Variants in LIPG observed in about 807,000 individuals in gnomAD.
LIPG encodes the protein lipase G, endothelial type.
LIPG carries 34 observed loss-of-function variants against 51.8 expected under a neutral mutation model. The ratio of observed to expected loss-of-function variants is 0.66; its 90% confidence interval spans 0.50 to 0.87. The LOEUF is 0.87. Among genes scored for constraint, LIPG ranks in the 40% least tolerant of loss-of-function variants. The probability of loss-of-function intolerance (pLI) is 0.00; values close to 1 mark genes in which losing one functional copy is unlikely to be tolerated. For missense variants in LIPG, 580 were observed against 652.7 expected, an observed-to-expected ratio of 0.89 and a Z score of 1.21; for synonymous variants, 246 against 246.1, an observed-to-expected ratio of 1.00 and a Z score of 0.00.
rs2084799520 is a variant in LIPG at position 49,579,825 on chromosome 18, T to TTTC, written c.794-1589_794-1588insTCT. 5.4e-5 allele frequency among the ~76,000 whole-genome samples: 8 copies of TTTC among 147,154 alleles called. 1 individual carries two copies. Among genetic ancestry groups the TTTC allele is most frequent in the African/African-American group, 2.1e-4 (8 of 37,968 alleles). On this transcript the variant is annotated intron_variant, in intron 5 of 9. Coordinates refer to ENST00000261292, the MANE Select transcript of LIPG (RefSeq NM_006033.4). Reference sequence around the variant, plus strand: ...TTTCTTTTCTTTTCTTTTCTTTACTTTACTTTTGATGGAGTTTCACTCTTG... The same window carrying TTTC: ...TTTCTTTTCTTTTCTTTTCTTTACTTTTCTACTTTTGATGGAGTTTCACTCTTG...
At chr18:49,578,163 G>A (rs1223314624) in intron 5 of LIPG, among the ~76,000 whole-genome samples, 348 of 132,936 alleles carry the variant, frequency 2.6e-3, no homozygotes, top group South Asian at 3.6e-3. Context: ...GCTGCTGGGC[G>A]GAGACGCTCC....
At chr18:49,564,305 C>A (rs1464290112) in intron 1 of LIPG, among the ~76,000 whole-genome samples, 1 of 152,234 alleles carries the variant, frequency 6.6e-6, no homozygotes, top group Non-Finnish European at 1.5e-5. Context: ...TCCAGTGATG[C>A]ATCCCAGGAT....
intron 2 of LIPG, among the ~76,000 whole-genome samples, chr18:49,565,704 G>A (rs1460834491): frequency 6.6e-6 from 1 of 152,162 alleles, no homozygotes; most frequent in African/African-American, 2.4e-5. Context: ...TATTAATGAT[G>A]GCATACAACG....
rs1026087713 is a variant in LIPG at position 49,592,915 on chromosome 18, G to A, written c.*2393G>A. 136 of 146,448 alleles carry A rather than the reference G, an allele frequency of 9.3e-4. No individual in the cohort carries two copies. The highest frequency in any genetic ancestry group is 3.2e-3 in the African/African-American group (125 of 39,682). The allele number at this position is 146,448 out of a possible 1,614,324, so 9.1% of individuals were successfully genotyped here. On this transcript the variant is annotated 3_prime_UTR_variant, in exon 10 of 10. Coordinates refer to ENST00000261292, the MANE Select transcript of LIPG (RefSeq NM_006033.4). ...AAAATTATAAAGTTCTTAATGGTCT[G>A]ACAACTCAATTTTTTTTTTTTTTTT...
chr18:49,590,866 A>T lies in LIPG; in HGVS notation c.*344A>T, dbSNP rs905592785. On this transcript the variant is annotated 3_prime_UTR_variant, in exon 10 of 10. Transcript: ENST00000261292. ...GCTGGGCGAGCCTGTACTCTGCCTG[A>T]CGAGGAACGCTGGCTCCGAAGAGGC... is the stretch of plus-strand genomic sequence containing the variant. The T allele has an allele frequency of 6.0e-5, 24 of 402,526 alleles. No individual in the cohort carries two copies. Among genetic ancestry groups the T allele is most frequent in the African/African-American group, 2.6e-4 (13 of 49,212 alleles). The allele number at this position is 402,526 out of a possible 1,614,324, so 24.9% of individuals were successfully genotyped here. A position where few individuals can be genotyped will look rare whatever the true frequency, so the allele number is the denominator to read the frequency against.
chr18:49,582,003 AT>A (rs2084825668), intron 6 of LIPG, among the ~76,000 whole-genome samples: 1 of 152,202 alleles, frequency 6.6e-6, no homozygotes, highest in Non-Finnish European at 1.5e-5. Flanking sequence ...GACATGTTAC[AT>A]TTTTATAATG....
Position 49,575,534 on chromosome 18 carries a change from G to T in LIPG, c.737G>T (p.Gly246Val). The T allele has an allele frequency of 1.2e-6, 2 of 1,614,210 alleles. No homozygotes were observed. Among genetic ancestry groups the T allele is most frequent in the African/African-American group, 1.3e-5 (1 of 75,054 alleles). The change falls in exon 5 of 10, where the codon GGT (glycine) becomes GTT (valine). Residue 246 changes from glycine to valine, a missense_variant. By Grantham distance (109) the Gly-to-Val change is moderately radical. Transcript: ENST00000261292. The part of the protein sequence containing the change: ...VGHIDIYPNG[G>V]DFQPGCGLND... ...CACATTGACATCTACCCCAATGGGG[G>T]TGACTTCCAGCCAGGCTGTGGACTC...
At position 49,577,546 on chromosome 18, in the gene LIPG, C is replaced by T. The variant is rs1322526211; in HGVS notation, c.793+1956C>T. Among the ~76,000 whole-genome samples the T allele has an allele frequency of 4.3e-4, 64 of 149,504 alleles. No individual in the cohort carries two copies. In the South Asian group the frequency reaches 7.2e-3, roughly 17 times the overall value. ...TGAGCTGCTGGGCACACCTCCCAGACGGGGTGGTGGCCGGGCAGAGGGGCT... is the reference window on the plus strand; with the variant it reads ...TGAGCTGCTGGGCACACCTCCCAGATGGGGTGGTGGCCGGGCAGAGGGGCT... On this transcript the variant is annotated intron_variant, in intron 5 of 9. Transcript: ENST00000261292.
intron 4 of LIPG, among the ~76,000 whole-genome samples, chr18:49,573,384 A>C (rs1433032263): frequency 2.0e-5 from 3 of 152,132 alleles, no homozygotes; most frequent in Non-Finnish European, 4.4e-5. Context: ...ACTCTCAAGC[A>C]GCCTGGGCTC....
In LIPG at chr18:49,577,928, G is replaced by A. The variant is rs1401820173; in HGVS notation, c.793+2338G>A. Among the ~76,000 whole-genome samples, 15 of 108,600 alleles carry A rather than the reference G, an allele frequency of 1.4e-4. No homozygotes were observed. The East Asian group carries it at 2.7e-3, about 20-fold the overall frequency. 71.2% of individuals were successfully genotyped at this position (108,600 alleles called of 152,430 possible). On this transcript the variant is annotated intron_variant, in intron 5 of 9. Transcript: ENST00000261292. ...TTCCCAGTAGGGGTGGGCGGGCAGA[G>A]GCGCCCCTCACCTCCTGGACGGGGC... is the stretch of plus-strand genomic sequence containing the variant.
At chr18:49,587,460 T>A (rs1390213321) in intron 9 of LIPG, among the ~76,000 whole-genome samples, 2 of 148,598 alleles carry the variant, frequency 1.3e-5, no homozygotes, top group Non-Finnish European at 3.0e-5. Context: ...TCCCAGCTAC[T>A]CGGGAGGCTG....
At chr18:49,565,650 T>C (rs755419902) in intron 2 of LIPG, 152 bp downstream of exon 2, 5 of 889,920 alleles carry the variant, frequency 5.6e-6, no homozygotes, top group East Asian at 2.7e-5. Context: ...GTGAAGAATG[T>C]AACGGGCATT....
chr18:49,576,564 T>G (rs2084721657), intron 5 of LIPG, among the ~76,000 whole-genome samples: 1 of 144,848 alleles, frequency 6.9e-6, no homozygotes, highest in Admixed American at 7.2e-5. Context: ...GCCTCCCAGA[T>G]TCAAGCAATT....
At chr18:49,579,345 C>T (rs2084789752) in intron 5 of LIPG, among the ~76,000 whole-genome samples, 1 of 151,538 alleles carries the variant, frequency 6.6e-6, no homozygotes, top group African/African-American at 2.4e-5. Flanking sequence ...TCTTCTCCTT[C>T]TTCCTCACTA....
rs1246887943 is a variant in LIPG at position 49,598,484 on chromosome 18, C to G, written c.*7962C>G. ...TGCTGGGATTAGAGGCATGAGCCAT[C>G]AGGCCTGGCCATGCTGCCTCTCTCT... On this transcript the variant is annotated 3_prime_UTR_variant, in exon 10 of 10. Coordinates refer to ENST00000261292, the MANE Select transcript of LIPG (RefSeq NM_006033.4). 6.6e-6 allele frequency: 1 copy of G among 152,378 alleles called. No individual in the cohort carries two copies. Among genetic ancestry groups the G allele is most frequent in the Non-Finnish European group, 1.5e-5 (1 of 68,172 alleles). 9.4% of individuals were successfully genotyped at this position (152,378 alleles called of 1,614,324 possible).
intron 8 of LIPG, among the ~76,000 whole-genome samples, chr18:49,584,174 A>G (rs181524773): frequency 5.9e-4 from 90 of 152,308 alleles, no homozygotes; most frequent in Admixed American, 1.1e-3. Flanking sequence ...AGACTGGAGT[A>G]TCACTTCCAG....
At chr18:49,586,588 T>C (rs546052242) in intron 8 of LIPG, among the ~76,000 whole-genome samples, 158 bp from the exon 9 acceptor site, 1 of 152,138 alleles carries the variant, frequency 6.6e-6, no homozygotes, top group South Asian at 2.1e-4. Context: ...CAGGTTAGAG[T>C]CCCTGCAGTA....
Position 49,592,057 on chromosome 18 carries a change from G to A in LIPG, c.*1535G>A, listed in dbSNP as rs878965875. 1 of 152,078 alleles carries A rather than the reference G, an allele frequency of 6.6e-6. No individual in the cohort carries two copies. Among genetic ancestry groups the A allele is most frequent in the Non-Finnish European group, 1.5e-5 (1 of 68,022 alleles). The allele number at this position is 152,078 out of a possible 1,614,324, so 9.4% of individuals were successfully genotyped here. A position where few individuals can be genotyped will look rare whatever the true frequency, so the allele number is the denominator to read the frequency against. On this transcript the variant is annotated 3_prime_UTR_variant, in exon 10 of 10. Coordinates refer to ENST00000261292, the MANE Select transcript of LIPG (RefSeq NM_006033.4). Reference sequence around the variant, plus strand: ...TAACCAGGAGAACATCTGTGCCAACGGTTGGACTTTTTATGGCTGAGATTC... The same window carrying A: ...TAACCAGGAGAACATCTGTGCCAACAGTTGGACTTTTTATGGCTGAGATTC...
At position 49,583,691 on chromosome 18, in the gene LIPG, CA is replaced by C; in HGVS notation, c.1294del (p.Ser432AlafsTer13). ...SWYNLWKEFR[S>X]YLSQPRNPGR... ...GGTACAACCTGTGGAAGGAGTTTCG[CA>C]GCTACCTGTCTCAACCCCGCAACCC... On this transcript the variant is annotated frameshift_variant, in exon 8 of 10. Coordinates refer to ENST00000261292, the MANE Select transcript of LIPG (RefSeq NM_006033.4). LOFTEE classifies it high-confidence loss of function. 1 of 1,614,190 alleles carries C rather than the reference CA, an allele frequency of 6.2e-7. No individual in the cohort carries two copies.
Sources: gnomAD v4.1 joint callset for allele counts (sites outside exome capture counted in the v4.1 genomes callset) on GRCh38, gnomAD v4.1.1 for gene constraint, MANE v1.5 for transcripts, NCBI Gene and HGNC (gene_info 2026-07-23, HGNC 2026-07-21) for gene names.